ALDH3B1: variants seen among roughly 807,000 people sequenced by gnomAD.
The protein encoded by ALDH3B1 is aldehyde dehydrogenase family 3 member B1.
In ALDH3B1, 37 loss-of-function variants were observed where a neutral mutation model predicts 46.2. That is an observed-to-expected ratio of 0.80 (90% CI 0.62 to 1.05). The LOEUF (loss-of-function observed/expected upper bound fraction) is 1.05. Ranked by LOEUF, ALDH3B1 falls within the 50% of genes least tolerant of loss-of-function variation. The pLI is 0.00. For synonymous variants in ALDH3B1, 283 were observed against 281.0 expected (o/e 1.01, Z -0.07); for missense variants, 603 against 665.5 (o/e 0.91, Z 1.03).
chr11:68,020,895 G>A (rs1857475739), intron 6 of ALDH3B1, among the ~76,000 whole-genome samples: 1 of 152,214 alleles, frequency 6.6e-6, no homozygotes, highest in Non-Finnish European at 1.5e-5. Context: ...AAGGCTGTGT[G>A]CATGCGGAGA....
At chr11:68,009,972 A>G (rs983312494), upstream of ALDH3B1, among the ~76,000 whole-genome samples, 1 of 152,164 alleles carries the variant, frequency 6.6e-6, no homozygotes, top group African/African-American at 2.4e-5. Context: ...ATAGAATATA[A>G]TTAATACAAT....
chr11:68,027,892 C>G lies in ALDH3B1; in HGVS notation c.1360C>G (p.Leu454Val). Reference sequence around the variant, plus strand: ...GCAATCGCCGCGCCGCCTGAGGATGCTGCTGGTGGCCATGGAGGCCCAAGG... The same window carrying G: ...GCAATCGCCGCGCCGCCTGAGGATGGTGCTGGTGGCCATGGAGGCCCAAGG... ...PPQSPRRLRM[L>V]LVAMEAQGCS... The change falls in exon 10 of 10, where the codon CTG (leucine) becomes GTG (valine). Residue 454 changes from leucine to valine, a missense_variant. Coordinates refer to ENST00000342456, the MANE Select transcript of ALDH3B1 (RefSeq NM_000694.4). 6.4e-7 allele frequency: 1 copy of G among 1,562,282 alleles called. No individual in the cohort carries two copies. The highest frequency in any genetic ancestry group is 8.6e-7 in the Non-Finnish European group (1 of 1,156,770).
Position 68,026,193 on chromosome 11 carries a change from C to T in ALDH3B1, c.1216+85C>T, listed in dbSNP as rs1385006541. The T allele has an allele frequency of 2.5e-6, 3 of 1,182,834 alleles. No individual in the cohort carries two copies. The East Asian group carries it at 8.7e-5, about 34-fold the overall frequency. 73.3% of individuals were successfully genotyped at this position (1,182,834 alleles called of 1,614,324 possible). On this transcript the variant is annotated intron_variant, in intron 9 of 9. Coordinates refer to ENST00000342456, the MANE Select transcript of ALDH3B1 (RefSeq NM_000694.4). Reference sequence around the variant, plus strand: ...TGCATACATTTCTGCCAAAGCACCCCAGCCCCACCTCAATGTAGAGGGACA... The same window carrying T: ...TGCATACATTTCTGCCAAAGCACCCTAGCCCCACCTCAATGTAGAGGGACA...
Position 68,022,251 on chromosome 11 carries a change from G to A in ALDH3B1, c.950-344G>A, listed in dbSNP as rs114716737. On this transcript the variant is annotated intron_variant, in intron 7 of 9. Coordinates refer to ENST00000342456, the MANE Select transcript of ALDH3B1 (RefSeq NM_000694.4). ...GAGCCCCCAGTCTCCTGGGCCGTAC[G>A]GCTCAGCAGCTCATGGGACACTGCG... Among the ~76,000 whole-genome samples, 431 of 152,246 alleles carry A rather than the reference G, an allele frequency of 2.8e-3. 4 individuals carry two copies. Among genetic ancestry groups the A allele is most frequent in the African/African-American group, 9.7e-3 (405 of 41,540 alleles).
intron 1 of ALDH3B1, among the ~76,000 whole-genome samples, chr11:68,014,677 G>A (rs912539094): frequency 6.6e-6 from 1 of 152,198 alleles, no homozygotes; most frequent in Non-Finnish European, 1.5e-5. Flanking sequence ...CCCTCTTCCT[G>A]AGGAAGCTGA....
In ALDH3B1 at chr11:68,027,774, T is replaced by C. The variant is rs1419524998; in HGVS notation, c.1242T>C (p.His414=). ...GTGCCAGTGGGATGGGCCGGTACCA[T>C]GGCAAGTTCTCCTTCGACACCTTCT... The part of the protein sequence containing the change: ...GVGASGMGRY[H]GKFSFDTFSH... Residue 414 remains histidine, a synonymous_variant, in exon 10 of 10, where the codon CAT becomes CAC. Transcript: ENST00000342456. 3.2e-6 allele frequency: 5 copies of C among 1,559,118 alleles called. No homozygotes were observed. The highest frequency in any genetic ancestry group is 4.3e-6 in the Non-Finnish European group (5 of 1,150,356).
chr11:68,014,804 T>C (rs866275279), intron 1 of ALDH3B1, among the ~76,000 whole-genome samples: 4 of 152,058 alleles, frequency 2.6e-5, no homozygotes, highest in South Asian at 2.1e-4. Flanking sequence ...GTGGTGGCCA[T>C]GGTGGCAGTG....
intron 1 of ALDH3B1, 71 bp from the exon 2 acceptor site, chr11:68,015,226 G>A: frequency 7.0e-7 from 1 of 1,429,604 alleles, no homozygotes; most frequent in East Asian, 2.5e-5. Context: ...CCCAGACCCT[G>A]GGGCGGCTGG....
At chr11:68,018,319 G>C in intron 2 of ALDH3B1, 1 of 578,120 alleles carries the variant, frequency 1.7e-6, no homozygotes, top group Non-Finnish European at 3.1e-6. Context: ...ACTGCCCCCT[G>C]CAAGGTCGGC....
In ALDH3B1 at chr11:68,018,591, G is replaced by A. The variant is rs529954694; in HGVS notation, c.227G>A (p.Arg76Lys). Residue 76 changes from arginine to lysine, a missense_variant, in exon 3 of 10, where the codon AGG (arginine) becomes AAG (lysine). Transcript: ENST00000342456. ...ISQGEVTLALRNLRAWMKDER... is the reference protein window; with the variant it reads ...ISQGEVTLALKNLRAWMKDER... Reference sequence around the variant, plus strand: ...CAGGGCGAGGTCACCCTGGCCCTCAGGAACCTCCGGGCCTGGATGAAGGAC... The same window carrying A: ...CAGGGCGAGGTCACCCTGGCCCTCAAGAACCTCCGGGCCTGGATGAAGGAC... 963 of 1,583,188 alleles carry A rather than the reference G, an allele frequency of 6.1e-4. 14 individuals are homozygous for A. In the South Asian group the frequency reaches 0.011, roughly 17 times the overall value.
chr11:68,009,461 C>G (rs1410334197), upstream of ALDH3B1, among the ~76,000 whole-genome samples: 6 of 152,224 alleles, frequency 3.9e-5, no homozygotes, highest in Admixed American at 2.6e-4. Context: ...GAGGTTTATT[C>G]AGCTGGGAGC....
At chr11:68,015,191 T>A (rs1857318431) in intron 1 of ALDH3B1, 106 bp from the exon 2 acceptor site, 2 of 1,239,226 alleles carry the variant, frequency 1.6e-6, no homozygotes, top group Non-Finnish European at 2.2e-6. Flanking sequence ...TGCAAGCCCC[T>A]GTGGGTGCAG....
intron 2 of ALDH3B1, chr11:68,015,852 G>A: frequency 2.8e-6 from 1 of 356,226 alleles, no homozygotes; most frequent in Non-Finnish European, 5.5e-6. Context: ...GATCGCTTGA[G>A]GCCAGGAGTT....
At position 68,018,910 on chromosome 11, in the gene ALDH3B1, C is replaced by A; in HGVS notation, c.394+17C>A. ...TCGCTGCAGGTGAGAGCTGGGCCTGCCCCTTCCGGTCACCCTTCTCCGCTC... is the reference window on the plus strand; with the variant it reads ...TCGCTGCAGGTGAGAGCTGGGCCTGACCCTTCCGGTCACCCTTCTCCGCTC... On this transcript the variant is annotated intron_variant, in intron 4 of 9. Coordinates refer to ENST00000342456, the MANE Select transcript of ALDH3B1 (RefSeq NM_000694.4). 5 of 1,549,374 alleles carry A rather than the reference C, an allele frequency of 3.2e-6. No individual in the cohort carries two copies. The highest frequency in any genetic ancestry group is 3.5e-6 in the Non-Finnish European group (4 of 1,146,682).
chr11:68,008,886 C>A (rs1249426435), upstream of ALDH3B1, among the ~76,000 whole-genome samples: 1 of 152,166 alleles, frequency 6.6e-6, no homozygotes, highest in East Asian at 1.9e-4. Context: ...CTGTCCACAC[C>A]CACAGCAGCT....
chr11:68,018,572 G>A lies in ALDH3B1; in HGVS notation c.208G>A (p.Glu70Lys), dbSNP rs757799681. The part of the protein sequence containing the change: ...EVSEVAISQG[E>K]VTLALRNLRA... ...GTCTGAGGTTGCCATCAGCCAGGGC[G>A]AGGTCACCCTGGCCCTCAGGAACCT... Residue 70 changes from glutamate to lysine, a missense_variant, in exon 3 of 10, where the codon GAG (glutamate) becomes AAG (lysine). Coordinates refer to ENST00000342456, the MANE Select transcript of ALDH3B1 (RefSeq NM_000694.4). 22 of 1,584,850 alleles carry A rather than the reference G, an allele frequency of 1.4e-5. No homozygotes were observed. The highest frequency in any genetic ancestry group is 3.3e-4 in the Middle Eastern group (2 of 6,034).
chr11:68,015,841 G>A (rs950496329), intron 2 of ALDH3B1: 8 of 361,532 alleles, frequency 2.2e-5, no homozygotes, highest in African/African-American at 2.1e-5. Flanking sequence ...CGAGGTGGGC[G>A]GATCGCTTGA....
chr11:68,018,676 G>T (rs1329859425), intron 3 of ALDH3B1, 39 bp downstream of exon 3: 4 of 1,551,392 alleles, frequency 2.6e-6, no homozygotes, highest in South Asian at 2.4e-5. Context: ...GGGCTCAGGG[G>T]ATATTTGCTC....
rs199995475 is a variant in ALDH3B1, at chr11:68,021,614, G to A, written c.692G>A (p.Arg231His). Residue 231 changes from arginine to histidine, a missense_variant, in exon 7 of 10, where the codon CGC (arginine) becomes CAC (histidine). Physicochemically the swap from Arg to His is conservative, Grantham distance 29. Transcript: ENST00000342456. ...DNCDPQTVAN[R>H]VAWFRYFNAG... is the part of the protein sequence containing the mutation. Reference sequence around the variant, plus strand: ...TGCGACCCCCAGACCGTGGCCAACCGCGTGGCCTGGTTCCGCTACTTCAAC... The same window carrying A: ...TGCGACCCCCAGACCGTGGCCAACCACGTGGCCTGGTTCCGCTACTTCAAC... The A allele has an allele frequency of 9.6e-5, 155 of 1,614,046 alleles. No individual in the cohort carries two copies. The highest frequency in any genetic ancestry group is 3.3e-4 in the Middle Eastern group (2 of 6,062).
Sources: gnomAD v4.1 joint callset for allele counts (sites outside exome capture counted in the v4.1 genomes callset) on GRCh38, gnomAD v4.1.1 for gene constraint, MANE v1.5 for transcripts, NCBI Gene and HGNC (gene_info 2026-07-23, HGNC 2026-07-21) for gene names.